CELF2: variants seen among roughly 807,000 people sequenced by gnomAD.
CELF2 encodes CUGBP Elav-like family member 2, also known as CUG triplet repeat RNA-binding protein 2.
CELF2 carries 8 observed loss-of-function variants against 62.6 expected under a neutral mutation model. The ratio of observed to expected loss-of-function variants is 0.13; its 90% CI spans 0.07 to 0.23. The LOEUF (loss-of-function observed/expected upper bound fraction) is 0.23. Among genes scored for constraint, CELF2 ranks in the 10% least tolerant of loss-of-function variants. CELF2 has a pLI of 1.00. For synonymous variants in CELF2, 258 were observed against 250.0 expected, an observed-to-expected ratio of 1.03 and a Z score of -0.30; for missense variants, 333 against 671.0, an observed-to-expected ratio of 0.50 and a Z score of 5.56.
chr10:11,165,235 C>A lies in CELF2; in HGVS notation c.75-251C>A. On this transcript the variant is annotated intron_variant, in intron 1 of 12. Coordinates refer to ENST00000633077, the MANE Select transcript of CELF2 (RefSeq NM_001326342.2). This position sits in a 1 kb window ranked among gnomAD's most constrained non-coding sequence, Gnocchi z 7.4. ...TGTCCACGCCCTGGGTGACAGGCGG[C>A]AGGGCGCTGCCCCGTGCTCCCCCGG... is the stretch of plus-strand genomic sequence containing the variant. 7.5e-7 allele frequency: 1 copy of A among 1,325,878 alleles called. No individual in the cohort carries two copies. Among genetic ancestry groups the A allele is most frequent in the Middle Eastern group, 2.7e-4 (1 of 3,712 alleles). 82.1% of individuals were successfully genotyped at this position (1,325,878 alleles called of 1,614,324 possible).
At chr10:11,131,843 C>T (rs776142094) in intron 1 of CELF2, among the ~76,000 whole-genome samples, 38 of 152,096 alleles carry the variant, frequency 2.5e-4, no homozygotes, top group Non-Finnish European at 5.0e-4. Context: ...TCTAGTATTG[C>T]GGCTGGTTAG....
chr10:10,500,415 T>C, the CELF2 span, among the ~76,000 whole-genome samples: 1 of 152,184 alleles, frequency 6.6e-6, no homozygotes, highest in African/African-American at 2.4e-5. Flanking sequence ...AGGGACCTGG[T>C]GGGAGGTAAT....
At chr10:11,107,385 G>A (rs2053794771) in intron 1 of CELF2, among the ~76,000 whole-genome samples, 1 of 152,162 alleles carries the variant, frequency 6.6e-6, no homozygotes, top group Admixed American at 6.5e-5. Flanking sequence ...GAGCTTCTGG[G>A]AAGGAATCCT....
chr10:11,015,102 C>T (rs538527417), upstream of CELF2, among the ~76,000 whole-genome samples: 21 of 152,244 alleles, frequency 1.4e-4, 1 homozygote, highest in Admixed American at 1.4e-3. The surrounding 1 kb of genome is among the most constrained non-coding windows in gnomAD (Gnocchi z 4.8). Context: ...AACAGCGGCC[C>T]CATAGAGCTG....
chr10:11,044,481 A>G (rs1029295896), intron 1 of CELF2, among the ~76,000 whole-genome samples: 2 of 152,174 alleles, frequency 1.3e-5, no homozygotes, highest in African/African-American at 4.8e-5. Flanking sequence ...ATATGTACGT[A>G]TCAATTTGTG....
intron 2 of CELF2, among the ~76,000 whole-genome samples, chr10:10,954,096 A>G (rs998993329): frequency 8.6e-5 from 13 of 151,896 alleles, no homozygotes; most frequent in Non-Finnish European, 1.5e-4. Flanking sequence ...GGCAAAAGTC[A>G]GAAAATTTGA....
At chr10:11,228,833 ACT>A (rs1421290230) in intron 3 of CELF2, among the ~76,000 whole-genome samples, 10 of 152,142 alleles carry the variant, frequency 6.6e-5, no homozygotes, top group Admixed American at 1.3e-4. Flanking sequence ...GATTTTAAAA[ACT>A]CTGCAGGTCA....
At chr10:10,935,806 T>C (rs2046322497) in intron 2 of CELF2, among the ~76,000 whole-genome samples, 1 of 152,012 alleles carries the variant, frequency 6.6e-6, no homozygotes, top group Non-Finnish European at 1.5e-5. Flanking sequence ...CACTCTCTCA[T>C]AGATTTTTCT....
At chr10:10,474,549 A>G in the CELF2 span, among the ~76,000 whole-genome samples, 2 of 152,078 alleles carry the variant, frequency 1.3e-5, no homozygotes, top group African/African-American at 4.8e-5. Flanking sequence ...CAGTTTTGCA[A>G]TAAAACTTAT....
chr10:11,069,636 T>C (rs1564607199), intron 1 of CELF2, among the ~76,000 whole-genome samples: 1 of 152,210 alleles, frequency 6.6e-6, no homozygotes, highest in Admixed American at 6.5e-5. Flanking sequence ...TTTTTATAAG[T>C]GGACAAATGC....
chr10:10,621,811 G>T, the CELF2 span, among the ~76,000 whole-genome samples: 3 of 152,110 alleles, frequency 2.0e-5, no homozygotes, highest in African/African-American at 4.8e-5. Flanking sequence ...GCCATAAGAG[G>T]TAAAATGGCA....
chr10:10,564,548 C>A, the CELF2 span, among the ~76,000 whole-genome samples: 9 of 151,582 alleles, frequency 5.9e-5, no homozygotes, highest in Admixed American at 2.0e-4. Context: ...TGTTGATGAC[C>A]ATTTTCATCA....
At chr10:10,576,021 A>T in the CELF2 span, among the ~76,000 whole-genome samples, 4 of 152,210 alleles carry the variant, frequency 2.6e-5, no homozygotes, top group Admixed American at 6.5e-5. Flanking sequence ...GGACTAACAT[A>T]AAAGGTTTTG....
At chr10:11,116,290 T>A (rs917895797) in intron 1 of CELF2, among the ~76,000 whole-genome samples, 1 of 152,234 alleles carries the variant, frequency 6.6e-6, no homozygotes, top group East Asian at 1.9e-4. Context: ...GTTATTAGAC[T>A]TAATTTTTAA....
Position 11,112,815 on chromosome 10 carries a change from C to G in CELF2, c.75-52671C>G, listed in dbSNP as rs180715096. Among the ~76,000 whole-genome samples the G allele has an allele frequency of 1.2e-3, 180 of 152,350 alleles. 1 individual carries two copies. The highest frequency in any genetic ancestry group is 4.1e-3 in the African/African-American group (170 of 41,582). On this transcript the variant is annotated intron_variant, in intron 1 of 12. Transcript: ENST00000633077. ...TCTTTGAAACGGAACCATGAGTAAA[C>G]GCAGTGCATTTCCACATGCGTAGCC...
rs1322186424 is a variant in CELF2, at chr10:11,142,794, G to T, written c.75-22692G>T. Among the ~76,000 whole-genome samples, 4 of 152,172 alleles carry T rather than the reference G, an allele frequency of 2.6e-5. No homozygotes were observed. In the South Asian group the frequency reaches 6.2e-4, roughly 24 times the overall value. On this transcript the variant is annotated intron_variant, in intron 1 of 12. Coordinates refer to ENST00000633077, the MANE Select transcript of CELF2 (RefSeq NM_001326342.2). The stretch of plus-strand genomic sequence containing the variant: ...AAAAAGAACTCAGTAGTGGTGCGTG[G>T]AATGAATGGGAAGGTAAGTCGTAAG...
the CELF2 span, among the ~76,000 whole-genome samples, chr10:10,788,287 C>T: frequency 6.6e-6 from 1 of 151,614 alleles, no homozygotes; most frequent in Admixed American, 6.6e-5. Flanking sequence ...TTTGTACCCC[C>T]TAAAAGGGTG....
At chr10:11,158,491 A>G (rs894520323) in intron 1 of CELF2, among the ~76,000 whole-genome samples, 2 of 151,946 alleles carry the variant, frequency 1.3e-5, no homozygotes, top group South Asian at 2.1e-4. Context: ...CCACTGAACT[A>G]TTTCTGATAA....
chr10:11,245,208 A>G (rs1233419629), intron 3 of CELF2, among the ~76,000 whole-genome samples: 1 of 152,246 alleles, frequency 6.6e-6, no homozygotes, highest in East Asian at 1.9e-4. Context: ...CTCTTTTATA[A>G]TAACTTCTCA....
Sources: allele counts gnomAD v4.1 joint callset (sites outside exome capture counted in the v4.1 genomes callset), GRCh38; gene constraint gnomAD v4.1.1; non-coding constraint Gnocchi (gnomAD v3.1); transcripts MANE v1.5; gene names NCBI Gene and HGNC (gene_info 2026-07-23, HGNC 2026-07-21).